Variants in ITPR2 observed in about 807,000 individuals in gnomAD.
ITPR2 encodes inositol 1,4,5-trisphosphate receptor type 2, also known as inositol 1,4,5-trisphosphate-gated calcium channel ITPR2.
Under a neutral mutation model 317.1 loss-of-function variants are expected in ITPR2, and 207 were observed. The observed-to-expected ratio is 0.65, with a 90% CI of 0.58 to 0.73. The LOEUF is 0.73. Among genes scored for constraint, ITPR2 ranks in the 30% least tolerant of loss-of-function variants. The pLI is 0.00. For synonymous variants in ITPR2, 1,156 were observed against 1,149.1 expected, an observed-to-expected ratio of 1.01 and a Z score of -0.12; for missense variants, 2,613 against 3,284.0, an observed-to-expected ratio of 0.80 and a Z score of 4.99.
chr12:26,628,091 C>T lies in ITPR2; in HGVS notation c.3006G>A (p.Glu1002=), dbSNP rs1946664192. 2 of 1,612,186 alleles carry T rather than the reference C, an allele frequency of 1.2e-6. No homozygotes were observed. Among genetic ancestry groups the T allele is most frequent in the Non-Finnish European group, 1.7e-6 (2 of 1,178,494 alleles). Residue 1002 remains glutamate, a synonymous_variant, in exon 23 of 57, where the codon GAG becomes GAA. Coordinates refer to ENST00000381340, the MANE Select transcript of ITPR2 (RefSeq NM_002223.4). ...MLSIYKKEFG[E]DNDNAETSAS... is the part of the protein sequence containing the mutation. Reference sequence around the variant, plus strand: ...CAGATGTCTCCGCATTGTCATTGTCCTCTCCAAACTCCTTCTTATATATTG... The same window carrying T: ...CAGATGTCTCCGCATTGTCATTGTCTTCTCCAAACTCCTTCTTATATATTG...
chr12:26,602,489 T>G lies in ITPR2; in HGVS notation c.3559A>C (p.Ile1187Leu), dbSNP rs778138840. The G allele has an allele frequency of 1.2e-5, 19 of 1,609,384 alleles. No homozygotes were observed. The highest frequency in any genetic ancestry group is 1.6e-5 in the Non-Finnish European group (19 of 1,177,838). The change falls in exon 28 of 57, where the codon ATC becomes CTC. Residue 1187 changes from isoleucine to leucine, a missense_variant. Around this residue, in one of 9 missense-constraint regions of ITPR2, gnomAD observed 817 missense variants for 897.6 expected, o/e 0.91. Coordinates refer to ENST00000381340, the MANE Select transcript of ITPR2 (RefSeq NM_002223.4). ...NNYRIVKEIL[I>L]RLSKLCVQNK... ...TGCACACAGAGTTTACTTAGCCTGA[T>G]CAAAATCTTTAAAAGGAAGAGGGAA...
At chr12:26,675,935 A>G (rs2136949422) in intron 13 of ITPR2, among the ~76,000 whole-genome samples, 1 of 152,322 alleles carries the variant, frequency 6.6e-6, no homozygotes, top group East Asian at 1.9e-4. Context: ...AGGCGGGCAG[A>G]TCACCTGAGG....
At chr12:26,696,945 G>T (rs770931292) in intron 9 of ITPR2, among the ~76,000 whole-genome samples, 3 of 152,202 alleles carry the variant, frequency 2.0e-5, no homozygotes, top group Non-Finnish European at 2.9e-5. Flanking sequence ...CAAGTGGGCA[G>T]AAAGTGGAGG....
chr12:26,698,633 A>G (rs1948392175), intron 9 of ITPR2, among the ~76,000 whole-genome samples: 1 of 152,242 alleles, frequency 6.6e-6, no homozygotes, highest in African/African-American at 2.4e-5. Context: ...GAACTGACAC[A>G]CAAGGAGGGT....
At chr12:26,651,881 G>A (rs1025639453) in intron 21 of ITPR2, among the ~76,000 whole-genome samples, 5 of 152,124 alleles carry the variant, frequency 3.3e-5, no homozygotes, top group Admixed American at 6.5e-5. Flanking sequence ...TTGTCTTGTG[G>A]TATTCTAGAT....
At chr12:26,646,174 A>G (rs1189599899) in intron 21 of ITPR2, among the ~76,000 whole-genome samples, 1 of 152,082 alleles carries the variant, frequency 6.6e-6, no homozygotes, top group Non-Finnish European at 1.5e-5. Context: ...GGAAGATTAC[A>G]TACTAATCTT....
chr12:26,587,768 T>C (rs545430796), intron 32 of ITPR2, among the ~76,000 whole-genome samples: 1 of 152,264 alleles, frequency 6.6e-6, no homozygotes, highest in African/African-American at 2.4e-5. Flanking sequence ...CTCTTCCACC[T>C]CCTTCAATCA....
intron 9 of ITPR2, among the ~76,000 whole-genome samples, chr12:26,704,596 A>G (rs913137807): frequency 2.3e-5 from 3 of 128,706 alleles, no homozygotes; most frequent in Non-Finnish European, 5.7e-5. Context: ...CATGCTAGTT[A>G]TTAATAATGA....
chr12:26,713,670 A>G (rs2137027569), intron 8 of ITPR2, among the ~76,000 whole-genome samples: 1 of 152,354 alleles, frequency 6.6e-6, no homozygotes, highest in Non-Finnish European at 1.5e-5. Flanking sequence ...TCCTTTTAAC[A>G]GACTCAGAAC....
rs1326296487 is a variant in ITPR2 at position 26,831,206 on chromosome 12, C to T, written c.92+1484G>A. ...GGTAGCTCATGATTCACAAACCCAG[C>T]AGAAGCGCTTGGCACTAACGTGTTT... On this transcript the variant is annotated intron_variant, in intron 1 of 56. Coordinates refer to ENST00000381340, the MANE Select transcript of ITPR2 (RefSeq NM_002223.4). The surrounding 1 kb of genome is among the most constrained non-coding windows in gnomAD (Gnocchi z 4.9). Among the ~76,000 whole-genome samples the T allele has an allele frequency of 6.6e-6, 1 of 152,160 alleles. No individual in the cohort carries two copies. The highest frequency in any genetic ancestry group is 1.5e-5 in the Non-Finnish European group (1 of 68,042).
At chr12:26,806,833 C>CCCA (rs1428685315) in intron 1 of ITPR2, among the ~76,000 whole-genome samples, 1 of 152,182 alleles carries the variant, frequency 6.6e-6, no homozygotes, top group Non-Finnish European at 1.5e-5. Flanking sequence ...AGCCACCATG[C>CCCA]CCAGCCCATT....
chr12:26,390,749 A>G (rs1362950839), intron 54 of ITPR2, among the ~76,000 whole-genome samples: 2 of 152,220 alleles, frequency 1.3e-5, no homozygotes, highest in Non-Finnish European at 2.9e-5. Context: ...TGTGAATTAT[A>G]TCTCAATAGA....
At chr12:26,401,988 G>A (rs190730428) in intron 52 of ITPR2, among the ~76,000 whole-genome samples, 16 of 152,282 alleles carry the variant, frequency 1.1e-4, no homozygotes, top group African/African-American at 3.9e-4. Flanking sequence ...TGAGTCCAAG[G>A]CACATTCTGA....
At chr12:26,650,896 T>G (rs896904463) in intron 21 of ITPR2, among the ~76,000 whole-genome samples, 3 of 152,216 alleles carry the variant, frequency 2.0e-5, no homozygotes, top group African/African-American at 7.2e-5. Flanking sequence ...CTTTGCTTTT[T>G]CTCATTCATA....
chr12:26,448,883 C>T (rs1277202634), intron 45 of ITPR2, among the ~76,000 whole-genome samples: 1 of 152,056 alleles, frequency 6.6e-6, no homozygotes, highest in African/African-American at 2.4e-5. Context: ...TATACATAAA[C>T]ATATATAACC....
At chr12:26,600,388 A>G (rs966910781) in intron 28 of ITPR2, among the ~76,000 whole-genome samples, 1 of 151,368 alleles carries the variant, frequency 6.6e-6, no homozygotes, top group Non-Finnish European at 1.5e-5. Context: ...TTTCTCCCCA[A>G]TCTTTCCAAC....
intron 45 of ITPR2, among the ~76,000 whole-genome samples, chr12:26,457,037 G>A (rs1591801163): frequency 6.6e-6 from 1 of 152,070 alleles, no homozygotes; most frequent in East Asian, 1.9e-4. Context: ...TAGGCTTTGG[G>A]GTTATAATAG....
chr12:26,493,392 A>T (rs3782292), intron 39 of ITPR2, among the ~76,000 whole-genome samples: 80,214 of 152,012 alleles, frequency 0.53, 22,002 homozygotes, highest in South Asian at 0.65. Flanking sequence ...TATACTTAGT[A>T]GTAAGTAGAC....
intron 21 of ITPR2, among the ~76,000 whole-genome samples, chr12:26,652,187 A>G (rs1232974570): frequency 6.6e-6 from 1 of 152,174 alleles, no homozygotes; most frequent in African/African-American, 2.4e-5. Flanking sequence ...CCATCCTCAA[A>G]GCTTGCAATG....
Sources: gnomAD v4.1 joint callset for allele counts (sites outside exome capture counted in the v4.1 genomes callset) on GRCh38, gnomAD v4.1.1 for gene constraint, gnomAD v4.1.1 regional missense constraint, Gnocchi (gnomAD v3.1) non-coding constraint, MANE v1.5 for transcripts, NCBI Gene and HGNC (gene_info 2026-07-23, HGNC 2026-07-21) for gene names.